The following RHOJ variants were observed in gnomAD, a reference collection of about 807,000 sequenced individuals.
RHOJ encodes the protein ras homolog family member J, also known as rho-related GTP-binding protein RhoJ.
In RHOJ, 11 loss-of-function variants were observed where a neutral mutation model predicts 23.4. The observed-to-expected ratio is 0.47, with a 90% CI of 0.30 to 0.78. The LOEUF is 0.78. Among genes scored for constraint, RHOJ ranks in the 30% least tolerant of loss-of-function variants. The pLI is 0.08. For synonymous variants in RHOJ, 102 were observed against 102.7 expected (o/e 0.99, Z 0.04); for missense variants, 254 against 273.4 (o/e 0.93, Z 0.50).
At chr14:63,253,174 G>A (rs1006275228) in intron 1 of RHOJ, among the ~76,000 whole-genome samples, 2 of 152,162 alleles carry the variant, frequency 1.3e-5, no homozygotes, top group East Asian at 3.8e-4. Flanking sequence ...TCTGTTATCG[G>A]TCCTGAGCCT....
At chr14:63,261,109 C>A (rs935542162) in intron 1 of RHOJ, among the ~76,000 whole-genome samples, 1 of 152,172 alleles carries the variant, frequency 6.6e-6, no homozygotes. Flanking sequence ...TTCTTCTCTT[C>A]GTCATTGCCA....
At chr14:63,238,699 G>A (rs1894832477) in intron 1 of RHOJ, among the ~76,000 whole-genome samples, 1 of 152,168 alleles carries the variant, frequency 6.6e-6, no homozygotes, top group Non-Finnish European at 1.5e-5. Context: ...TGGGATTATA[G>A]GCATGAGAAA....
chr14:63,220,324 C>G (rs1360433851), intron 1 of RHOJ, among the ~76,000 whole-genome samples: 1 of 151,782 alleles, frequency 6.6e-6, no homozygotes, highest in Non-Finnish European at 1.5e-5. Flanking sequence ...AACTTCTGCT[C>G]TTTTCTCATT....
At position 63,234,117 on chromosome 14, in the gene RHOJ, A is replaced by T. The variant is rs80029409; in HGVS notation, c.178+29070A>T. 4.7e-3 allele frequency among the ~76,000 whole-genome samples: 718 copies of T among 152,306 alleles called. 27 individuals are homozygous for T. In the East Asian group the frequency reaches 0.11, roughly 23 times the overall value. On this transcript the variant is annotated intron_variant, in intron 1 of 4. Transcript: ENST00000316754. ...AGCTCTTGTACATCTTTTAATACACAACTCAAACTTTACCTCCTTCTTGAA... is the reference window on the plus strand; with the variant it reads ...AGCTCTTGTACATCTTTTAATACACTACTCAAACTTTACCTCCTTCTTGAA...
chr14:63,249,285 G>A (rs775487699), intron 1 of RHOJ, among the ~76,000 whole-genome samples: 1 of 152,206 alleles, frequency 6.6e-6, no homozygotes, highest in African/African-American at 2.4e-5. Flanking sequence ...TGATAGATGA[G>A]GGCTAACAAG....
In RHOJ at chr14:63,211,059, G is replaced by A. The variant is rs548190171; in HGVS notation, c.178+6012G>A. Reference sequence around the variant, plus strand: ...CTATCAGCTGATTGAGATGTAAAAGGAAGTTGTTTTTACAGAAAGCTGAAA... The same window carrying A: ...CTATCAGCTGATTGAGATGTAAAAGAAAGTTGTTTTTACAGAAAGCTGAAA... On this transcript the variant is annotated intron_variant, in intron 1 of 4. Coordinates refer to ENST00000316754, the MANE Select transcript of RHOJ (RefSeq NM_020663.5). 4.3e-4 allele frequency among the ~76,000 whole-genome samples: 66 copies of A among 152,282 alleles called. 1 individual carries two copies. Among genetic ancestry groups the A allele is most frequent in the Non-Finnish European group, 6.0e-4 (41 of 68,012 alleles).
intron 4 of RHOJ, among the ~76,000 whole-genome samples, chr14:63,287,889 T>G (rs1232769110): frequency 4.6e-5 from 7 of 152,290 alleles, no homozygotes; most frequent in African/African-American, 1.4e-4. Flanking sequence ...ATGAAGTTGC[T>G]GCTGTAATAA....
intron 1 of RHOJ, among the ~76,000 whole-genome samples, chr14:63,237,799 T>G (rs1353968983): frequency 2.0e-5 from 3 of 152,268 alleles, no homozygotes; most frequent in South Asian, 2.1e-4. Context: ...TTAATCGGTG[T>G]GGATCGTCAG....
chr14:63,284,283 A>G (rs1882008109), intron 4 of RHOJ: 4 of 984,762 alleles, frequency 4.1e-6, no homozygotes, highest in Admixed American at 6.1e-5. Flanking sequence ...ATCCTGCATG[A>G]GAACCTCTCA....
At chr14:63,280,449 A>T (rs1308585885) in intron 2 of RHOJ, among the ~76,000 whole-genome samples, 1 of 152,232 alleles carries the variant, frequency 6.6e-6, no homozygotes, top group African/African-American at 2.4e-5. Flanking sequence ...GAATAAGTCT[A>T]CAGCTGTAAT....
chr14:63,253,782 G>A (rs997574486), intron 1 of RHOJ, among the ~76,000 whole-genome samples: 24 of 152,178 alleles, frequency 1.6e-4, no homozygotes, highest in African/African-American at 5.1e-4. Flanking sequence ...AACATTTTTT[G>A]TTGACTGGTA....
In RHOJ at chr14:63,204,584, T is replaced by C; in HGVS notation, c.-286T>C. On this transcript the variant is annotated 5_prime_UTR_variant, in exon 1 of 5. Coordinates refer to ENST00000316754, the MANE Select transcript of RHOJ (RefSeq NM_020663.5). Reference sequence around the variant, plus strand: ...CAGGCTGCTGAAATTTCTAGGCTGTTAGGAAGCCCCTCGAATTCTGTGAAA... The same window carrying C: ...CAGGCTGCTGAAATTTCTAGGCTGTCAGGAAGCCCCTCGAATTCTGTGAAA... 1 of 447,240 alleles carries C rather than the reference T, an allele frequency of 2.2e-6. No homozygotes were observed. Among genetic ancestry groups the C allele is most frequent in the South Asian group, 2.8e-5 (1 of 35,636 alleles). 27.7% of individuals were successfully genotyped at this position (447,240 alleles called of 1,614,324 possible).
At chr14:63,227,963 T>G (rs1894624867) in intron 1 of RHOJ, among the ~76,000 whole-genome samples, 1 of 152,160 alleles carries the variant, frequency 6.6e-6, no homozygotes, top group Non-Finnish European at 1.5e-5. Context: ...CGGTATAGGG[T>G]TTTGCTGCTT....
chr14:63,244,912 G>A (rs974628610), intron 1 of RHOJ, among the ~76,000 whole-genome samples: 2 of 152,204 alleles, frequency 1.3e-5, no homozygotes, highest in African/African-American at 2.4e-5. Context: ...TCACACATGG[G>A]TATTTGTGTG....
At chr14:63,244,948 A>C (rs1196423173) in intron 1 of RHOJ, among the ~76,000 whole-genome samples, 2 of 152,204 alleles carry the variant, frequency 1.3e-5, no homozygotes, top group South Asian at 4.1e-4. Flanking sequence ...ACACACTCCA[A>C]AAGCAGCACA....
At position 63,218,253 on chromosome 14, in the gene RHOJ, G is replaced by A. The variant is rs572074929; in HGVS notation, c.178+13206G>A. 9.9e-5 allele frequency among the ~76,000 whole-genome samples: 15 copies of A among 152,234 alleles called. 1 individual carries two copies. Among genetic ancestry groups the A allele is most frequent in the Admixed American group, 7.9e-4 (12 of 15,282 alleles). On this transcript the variant is annotated intron_variant, in intron 1 of 4. Coordinates refer to ENST00000316754, the MANE Select transcript of RHOJ (RefSeq NM_020663.5). ...ATTAGAAATGCCTATGAAGCTTATTGACATTCATATTCACAGCTCTGTCTC... is the reference window on the plus strand; with the variant it reads ...ATTAGAAATGCCTATGAAGCTTATTAACATTCATATTCACAGCTCTGTCTC...
At chr14:63,263,401 C>T (rs774552376) in intron 1 of RHOJ, among the ~76,000 whole-genome samples, 2 of 152,184 alleles carry the variant, frequency 1.3e-5, no homozygotes, top group African/African-American at 2.4e-5. Context: ...TAAGGACTCA[C>T]GAAGCCATGA....
intron 4 of RHOJ, among the ~76,000 whole-genome samples, chr14:63,290,062 G>A (rs538426345): frequency 6.6e-6 from 1 of 151,944 alleles, no homozygotes; most frequent in Non-Finnish European, 1.5e-5. Context: ...GGCCAACATG[G>A]GAAAACCCCG....
At chr14:63,232,949 G>T (rs1894724225) in intron 1 of RHOJ, among the ~76,000 whole-genome samples, 1 of 151,974 alleles carries the variant, frequency 6.6e-6, no homozygotes, top group Non-Finnish European at 1.5e-5. Context: ...ACCTGTCTCG[G>T]CCTCCCAAAG....
Sources: gnomAD v4.1 joint callset for allele counts (sites outside exome capture counted in the v4.1 genomes callset) on GRCh38, gnomAD v4.1.1 for gene constraint, MANE v1.5 for transcripts, NCBI Gene and HGNC (gene_info 2026-07-23, HGNC 2026-07-21) for gene names.